Variants in MSRB3 observed in about 807,000 individuals in gnomAD.
MSRB3 encodes methionine-R-sulfoxide reductase B3.
In MSRB3, 13 loss-of-function variants were observed where a neutral mutation model predicts 21.0. That is an observed-to-expected ratio of 0.62 (90% confidence interval 0.40 to 0.98). MSRB3 has a LOEUF of 0.98. Among genes scored for constraint, MSRB3 ranks in the 50% least tolerant of loss-of-function variants. The probability of loss-of-function intolerance (pLI) is 0.00; values close to 1 mark genes in which losing one functional copy is unlikely to be tolerated. For synonymous variants in MSRB3, 87 were observed against 88.6 expected (o/e 0.98, Z 0.10); for missense variants, 199 against 230.3 (o/e 0.86, Z 0.88).
chr12:65,386,682 G>C (rs907723485), intron 5 of MSRB3, among the ~76,000 whole-genome samples: 1 of 151,706 alleles, frequency 6.6e-6, no homozygotes. Flanking sequence ...TGAGCTTGCT[G>C]GTTCTTTTTT....
At chr12:65,428,384 T>C (rs1460887645) in intron 5 of MSRB3, among the ~76,000 whole-genome samples, 1 of 152,158 alleles carries the variant, frequency 6.6e-6, no homozygotes, top group African/African-American at 2.4e-5. Context: ...GTTATTTTGT[T>C]TGGAGATAGC....
At chr12:65,290,181 A>G (rs1382523723) in intron 1 of MSRB3, among the ~76,000 whole-genome samples, 1 of 152,146 alleles carries the variant, frequency 6.6e-6, no homozygotes. Context: ...ACTTACAGAT[A>G]TGTGCTATGT....
At position 65,316,027 on chromosome 12, in the gene MSRB3, T is replaced by C. The variant is rs183883042; in HGVS notation, c.76+7372T>C. ...AATGTTTTAATCTTCCTTCTGCAAA[T>C]TTTAGATAATCTCACAGCAAATTTC... On this transcript the variant is annotated intron_variant, in intron 2 of 6. Coordinates refer to ENST00000308259, the MANE Select transcript of MSRB3 (RefSeq NM_001031679.3). The C allele has an allele frequency of 1.1e-4, 17 of 152,308 alleles. No individual in the cohort carries two copies. The East Asian group carries it at 2.9e-3, about 26-fold the overall frequency. The allele number at this position is 152,308 out of a possible 1,614,324, so 9.4% of individuals were successfully genotyped here.
intron 5 of MSRB3, among the ~76,000 whole-genome samples, chr12:65,446,363 G>A (rs887144549): frequency 3.3e-5 from 5 of 152,150 alleles, no homozygotes; most frequent in African/African-American, 9.7e-5. Context: ...TAGCCACAGA[G>A]TTAAATCTGA....
Position 65,464,957 on chromosome 12 carries a change from T to C in MSRB3, c.*1635T>C, listed in dbSNP as rs1461667491. ...GGACTCATAATATTTGTAAAATGTA[T>C]TGATACTCTCAGGGCAAATTCACTA... On this transcript the variant is annotated 3_prime_UTR_variant, in exon 7 of 7. Coordinates refer to ENST00000308259, the MANE Select transcript of MSRB3 (RefSeq NM_001031679.3). 1 of 152,274 alleles carries C rather than the reference T, an allele frequency of 6.6e-6. No homozygotes were observed. Among genetic ancestry groups the C allele is most frequent in the East Asian group, 1.9e-4 (1 of 5,200 alleles). 9.4% of individuals were successfully genotyped at this position (152,274 alleles called of 1,614,324 possible).
At chr12:65,334,975 A>G (rs1875666386) in intron 4 of MSRB3, among the ~76,000 whole-genome samples, 1 of 152,162 alleles carries the variant, frequency 6.6e-6, no homozygotes. Flanking sequence ...GACACGAACT[A>G]TTGTAAATGT....
At chr12:65,348,405 T>C (rs1207256916) in intron 4 of MSRB3, among the ~76,000 whole-genome samples, 1 of 152,206 alleles carries the variant, frequency 6.6e-6, no homozygotes, top group African/African-American at 2.4e-5. Flanking sequence ...GATGGTAGTT[T>C]GTATTTCTGT....
rs185243623 is a variant in MSRB3 at position 65,360,276 on chromosome 12, T to C, written c.264-8722T>C. 4.1e-4 allele frequency among the ~76,000 whole-genome samples: 62 copies of C among 152,278 alleles called. 1 individual carries two copies. The highest frequency in any genetic ancestry group is 7.4e-4 in the Non-Finnish European group (50 of 68,016). Reference sequence around the variant, plus strand: ...TAATTCATCCAATAACATGAAGGTATACTCTGTTCTCTTTAGTGTTATTTT... The same window carrying C: ...TAATTCATCCAATAACATGAAGGTACACTCTGTTCTCTTTAGTGTTATTTT... On this transcript the variant is annotated intron_variant, in intron 4 of 6. Transcript: ENST00000308259.
intron 4 of MSRB3, among the ~76,000 whole-genome samples, chr12:65,347,188 T>A (rs1055774332): frequency 2.6e-5 from 4 of 152,214 alleles, no homozygotes; most frequent in Non-Finnish European, 4.4e-5. Flanking sequence ...TATGGGCATT[T>A]TCACGATATT....
chr12:65,443,229 A>G lies in MSRB3; in HGVS notation c.293-10499A>G, dbSNP rs553343702. On this transcript the variant is annotated intron_variant, in intron 5 of 6. Coordinates refer to ENST00000308259, the MANE Select transcript of MSRB3 (RefSeq NM_001031679.3). ...CATTATTAATCTCCAAAGAGAATAG[A>G]TACCAGATGTTCACAGTGCCCAAGG... is the stretch of plus-strand genomic sequence containing the variant. Among the ~76,000 whole-genome samples the G allele has an allele frequency of 2.5e-3, 377 of 152,230 alleles. 1 individual carries two copies. Among genetic ancestry groups the G allele is most frequent in the African/African-American group, 8.3e-3 (345 of 41,536 alleles).
intron 1 of MSRB3, among the ~76,000 whole-genome samples, chr12:65,307,631 A>G (rs11832655): frequency 0.034 from 5,169 of 152,242 alleles, 305 homozygotes; most frequent in African/African-American, 0.12. Context: ...TACCAATTGA[A>G]ATATTGTAAA....
At chr12:65,436,130 A>T (rs1882103777) in intron 5 of MSRB3, among the ~76,000 whole-genome samples, 1 of 151,738 alleles carries the variant, frequency 6.6e-6, no homozygotes, top group Non-Finnish European at 1.5e-5. Context: ...AACTTAGAAG[A>T]TCCATGAATT....
chr12:65,376,007 C>A (rs1878593978), intron 5 of MSRB3, among the ~76,000 whole-genome samples: 1 of 151,252 alleles, frequency 6.6e-6, no homozygotes. Flanking sequence ...AATGTAAAGG[C>A]TTCAGTGGAC....
chr12:65,436,805 G>A (rs562521262), intron 5 of MSRB3, among the ~76,000 whole-genome samples: 1 of 151,960 alleles, frequency 6.6e-6, no homozygotes, highest in Admixed American at 6.6e-5. Flanking sequence ...TCAACTCTCT[G>A]AGCTGCCACA....
At chr12:65,282,520 A>G (rs1872091276) in intron 1 of MSRB3, among the ~76,000 whole-genome samples, 1 of 152,222 alleles carries the variant, frequency 6.6e-6, no homozygotes, top group African/African-American at 2.4e-5. Flanking sequence ...AGTAACAGAA[A>G]TGAACTAGTT....
At chr12:65,429,164 G>A (rs1485436385) in intron 5 of MSRB3, among the ~76,000 whole-genome samples, 2 of 152,072 alleles carry the variant, frequency 1.3e-5, no homozygotes, top group African/African-American at 4.8e-5. Flanking sequence ...CAAATAAATG[G>A]GATGATATTT....
At chr12:65,316,964 G>A (rs2136435061) in intron 2 of MSRB3, among the ~76,000 whole-genome samples, 1 of 152,220 alleles carries the variant, frequency 6.6e-6, no homozygotes, top group East Asian at 1.9e-4. Flanking sequence ...GGTAGGGGTG[G>A]ATTGTGGGCA....
chr12:65,447,250 CTG>C (rs1565896359), intron 5 of MSRB3, among the ~76,000 whole-genome samples: 1 of 152,002 alleles, frequency 6.6e-6, no homozygotes, highest in East Asian at 1.9e-4. Flanking sequence ...TGTAGGATAA[CTG>C]ACCTTGGCCT....
intron 1 of MSRB3, among the ~76,000 whole-genome samples, chr12:65,293,132 G>A (rs1872753846): frequency 6.6e-6 from 1 of 152,044 alleles, no homozygotes; most frequent in Non-Finnish European, 1.5e-5. Context: ...CTTAATAAAT[G>A]GTACTGCTAT....
Sources: gnomAD v4.1 joint callset for allele counts (sites outside exome capture counted in the v4.1 genomes callset) on GRCh38, gnomAD v4.1.1 for gene constraint, MANE v1.5 for transcripts, NCBI Gene and HGNC (gene_info 2026-07-23, HGNC 2026-07-21) for gene names.